Variants in VANGL1 observed in about 807,000 individuals in gnomAD.
VANGL1 encodes VANGL planar cell polarity protein 1.
VANGL1 carries 18 observed loss-of-function variants against 48.4 expected under a neutral mutation model. The observed-to-expected ratio is 0.37, with a 90% confidence interval of 0.26 to 0.55. The LOEUF (loss-of-function observed/expected upper bound fraction) is 0.55. Among genes scored for constraint, VANGL1 ranks in the 20% least tolerant of loss-of-function variants. VANGL1 has a pLI of 0.81. For synonymous variants in VANGL1, 257 were observed against 261.8 expected (o/e 0.98, Z 0.18); for missense variants, 667 against 675.8 (o/e 0.99, Z 0.14).
At chr1:115,650,507 T>C (rs1652098096) in intron 1 of VANGL1, among the ~76,000 whole-genome samples, 1 of 152,236 alleles carries the variant, frequency 6.6e-6, no homozygotes, top group Non-Finnish European at 1.5e-5. Flanking sequence ...GTGTCTCCTT[T>C]TAAAAATCTT....
chr1:115,658,833 C>A (rs1278852744), intron 2 of VANGL1, among the ~76,000 whole-genome samples: 2 of 152,070 alleles, frequency 1.3e-5, no homozygotes, highest in Admixed American at 1.3e-4. Context: ...CATGAGTGAC[C>A]CCCAGGCAGG....
chr1:115,661,682 A>G (rs577301946), intron 3 of VANGL1, among the ~76,000 whole-genome samples: 78 of 152,030 alleles, frequency 5.1e-4, no homozygotes, highest in Middle Eastern at 6.8e-3. Context: ...CAGCGGCATG[A>G]TATCACCTCA....
intron 4 of VANGL1, among the ~76,000 whole-genome samples, chr1:115,679,819 A>T (rs1653309399): frequency 6.6e-6 from 1 of 152,102 alleles, no homozygotes; most frequent in Admixed American, 6.5e-5. Flanking sequence ...GGGCCTAGAG[A>T]TGTTTCTTTA....
chr1:115,655,695 A>T (rs1394073680), intron 2 of VANGL1, among the ~76,000 whole-genome samples: 1 of 151,988 alleles, frequency 6.6e-6, no homozygotes, highest in Non-Finnish European at 1.5e-5. Flanking sequence ...CAGTCTGTTT[A>T]CTCTCCTGGT....
At chr1:115,676,703 T>A (rs529063587) in intron 4 of VANGL1, among the ~76,000 whole-genome samples, 2 of 152,298 alleles carry the variant, frequency 1.3e-5, no homozygotes, top group African/African-American at 4.8e-5. Context: ...ATCATCCCAA[T>A]GGATATTTAA....
At chr1:115,689,817 G>A (rs1653766443) in intron 7 of VANGL1, among the ~76,000 whole-genome samples, 1 of 137,224 alleles carries the variant, frequency 7.3e-6, no homozygotes, top group Non-Finnish European at 1.6e-5. Flanking sequence ...TTAGCCAGGT[G>A]TGGTGACACA....
Position 115,691,372 on chromosome 1 carries a change from C to T in VANGL1, c.1568C>T (p.Ser523Phe). The change falls in exon 8 of 8, where the codon TCC becomes TTC. Residue 523 changes from serine to phenylalanine, a missense_variant. By Grantham distance (155) the Ser-to-Phe change is radical. Coordinates refer to ENST00000355485, the MANE Select transcript of VANGL1 (RefSeq NM_138959.3). ...KFVLRLQSET[S>F]V ...GTCCTTCGCTTACAGTCTGAGACAT[C>T]CGTTTAAAAGTTCTATATTTGTGGC... The T allele has an allele frequency of 6.2e-7, 1 of 1,613,616 alleles. No homozygotes were observed. The highest frequency in any genetic ancestry group is 8.5e-7 in the Non-Finnish European group (1 of 1,179,910).
rs1211853503 is a variant in VANGL1 at position 115,691,521 on chromosome 1, C to T, written c.*142C>T. 1.1e-6 allele frequency: 1 copy of T among 937,886 alleles called. No homozygotes were observed. The highest frequency in any genetic ancestry group is 1.5e-6 in the Non-Finnish European group (1 of 651,166). 58.1% of individuals were successfully genotyped at this position (937,886 alleles called of 1,614,324 possible). On this transcript the variant is annotated 3_prime_UTR_variant, in exon 8 of 8. Coordinates refer to ENST00000355485, the MANE Select transcript of VANGL1 (RefSeq NM_138959.3). ...AGATGATTGACCAGTATCCTTTGAC[C>T]ATCTGCACTTTATTTGGAAGGAAGC...
intron 1 of VANGL1, among the ~76,000 whole-genome samples, chr1:115,648,056 G>C (rs1037242493): frequency 6.6e-6 from 1 of 152,144 alleles, no homozygotes; most frequent in African/African-American, 2.4e-5. Flanking sequence ...AACGTGATGA[G>C]GGGAGAGGAG....
intron 4 of VANGL1, among the ~76,000 whole-genome samples, chr1:115,678,039 C>T (rs989297829): frequency 2.0e-5 from 3 of 152,172 alleles, no homozygotes; most frequent in African/African-American, 7.2e-5. Context: ...TCTAAGATTG[C>T]ATGAACAGAG....
intron 4 of VANGL1, among the ~76,000 whole-genome samples, chr1:115,682,123 A>G (rs1172056214): frequency 2.0e-5 from 3 of 152,242 alleles, no homozygotes; most frequent in African/African-American, 7.2e-5. Context: ...ACAAAGGGCT[A>G]GATGGGATGT....
chr1:115,647,368 A>C (rs973739162), intron 1 of VANGL1, among the ~76,000 whole-genome samples: 3 of 152,152 alleles, frequency 2.0e-5, no homozygotes, highest in African/African-American at 7.2e-5. Flanking sequence ...TGACCTTATC[A>C]TGAGTTTGGT....
At chr1:115,650,447 G>A (rs1375268975) in intron 1 of VANGL1, among the ~76,000 whole-genome samples, 1 of 152,084 alleles carries the variant, frequency 6.6e-6, no homozygotes, top group African/African-American at 2.4e-5. Flanking sequence ...TGAAAATGTG[G>A]GAGAAGACCC....
chr1:115,642,688 C>G (rs1651779539), intron 1 of VANGL1: 1 of 152,382 alleles, frequency 6.6e-6, no homozygotes, highest in South Asian at 2.1e-4. Flanking sequence ...GGTTGCGCCT[C>G]GGAGAGCGCA....
intron 4 of VANGL1, among the ~76,000 whole-genome samples, chr1:115,665,322 G>A (rs1652731468): frequency 6.6e-6 from 1 of 152,224 alleles, no homozygotes; most frequent in African/African-American, 2.4e-5. Context: ...CCCTCTCCCA[G>A]GCTCTCTGCC....
chr1:115,657,636 T>C (rs780739052), intron 2 of VANGL1, among the ~76,000 whole-genome samples: 1 of 152,212 alleles, frequency 6.6e-6, no homozygotes, highest in Non-Finnish European at 1.5e-5. Context: ...AGCTGCCTTG[T>C]TAAAACAAAA....
At position 115,651,303 on chromosome 1, in the gene VANGL1, C is replaced by A; in HGVS notation, c.-111C>A. 1 of 883,460 alleles carries A rather than the reference C, an allele frequency of 1.1e-6. No individual in the cohort carries two copies. 54.7% of individuals were successfully genotyped at this position (883,460 alleles called of 1,614,324 possible). A position where few individuals can be genotyped will look rare whatever the true frequency, so the allele number is the denominator to read the frequency against. ...ATTTGTTCCTGTTGAAGAGTGGCTC[C>A]TCTTCTAATTTCCAGACTCCTTGAG... On this transcript the variant is annotated 5_prime_UTR_variant, in exon 2 of 8. Coordinates refer to ENST00000355485, the MANE Select transcript of VANGL1 (RefSeq NM_138959.3).
intron 5 of VANGL1, among the ~76,000 whole-genome samples, chr1:115,683,611 TTA>T (rs1653473535): frequency 1.3e-5 from 2 of 152,180 alleles, no homozygotes; most frequent in Admixed American, 6.5e-5. Context: ...AACTGAAACT[TTA>T]TGTAACAGAT....
At chr1:115,643,027 C>T (rs1238689085) in intron 1 of VANGL1, among the ~76,000 whole-genome samples, 3 of 152,156 alleles carry the variant, frequency 2.0e-5, no homozygotes, top group African/African-American at 7.2e-5. Flanking sequence ...GGTCTAATGC[C>T]CACGCTGCGA....
Sources: gnomAD v4.1 joint callset for allele counts (sites outside exome capture counted in the v4.1 genomes callset) on GRCh38, gnomAD v4.1.1 for gene constraint, MANE v1.5 for transcripts, NCBI Gene and HGNC (gene_info 2026-07-23, HGNC 2026-07-21) for gene names.